Variants in TEP1 observed in about 807,000 individuals in gnomAD.
The protein encoded by TEP1 is telomerase associated protein 1.
Under a neutral mutation model 306.3 loss-of-function variants are expected in TEP1, and 241 were observed. The observed-to-expected ratio is 0.79, with a 90% confidence interval of 0.71 to 0.88. TEP1 has a LOEUF of 0.88. Among genes scored for constraint, TEP1 ranks in the 40% least tolerant of loss-of-function variants. The pLI, the probability that TEP1 is intolerant of heterozygous loss-of-function variation, is 0.00. For missense variants in TEP1, 3,051 were observed against 3,276.1 expected (o/e 0.93, Z 1.68); for synonymous variants, 1,289 against 1,305.5 (o/e 0.99, Z 0.27).
In TEP1 at chr14:20,369,530, C is replaced by T. The variant is rs765310231; in HGVS notation, c.7470G>A (p.Leu2490=). ...ATTCTCCTTCTGGGCTGCATTTGGC[C>T]AGGTTCCATAGGATCCCATCAGAGC... is the stretch of plus-strand genomic sequence containing the variant. ...CASSDGILWN[L]AKCSPEGEWT... The change falls in exon 53 of 55, where the codon CTG becomes CTA. Residue 2490 remains leucine (L), a synonymous_variant. Coordinates refer to ENST00000262715, the MANE Select transcript of TEP1 (RefSeq NM_007110.5). 1.9e-6 allele frequency: 3 copies of T among 1,613,960 alleles called. No individual in the cohort carries two copies. The African/African-American group carries it at 4.0e-5, about 22-fold the overall frequency.
Position 20,386,112 on chromosome 14 carries a change from G to A in TEP1, c.2945C>T (p.Pro982Leu). The change falls in exon 20 of 55, where the codon CCC becomes CTC. Residue 982 changes from proline to leucine, a missense_variant. By Grantham distance (98) the Pro-to-Leu change is moderately conservative (BLOSUM62 -3). Around this residue, in one of 3 missense-constraint regions of TEP1, gnomAD observed 1,507 missense variants for 1,550.5 expected, o/e 0.97. Coordinates refer to ENST00000262715, the MANE Select transcript of TEP1 (RefSeq NM_007110.5). ...ILGSRYGYIPPSYNLPDHPHF... is the reference protein window; with the variant it reads ...ILGSRYGYIPLSYNLPDHPHF... ...TGGATGGTCAGGAAGGTTGTAGCTG[G>A]GGGGAATGTATCCATAACGGGAGCC... 6.2e-7 allele frequency: 1 copy of A among 1,613,002 alleles called. No individual in the cohort carries two copies. Among genetic ancestry groups the A allele is most frequent in the African/African-American group, 1.3e-5 (1 of 74,952 alleles).
chr14:20,403,938 A>G (rs1196615017), intron 5 of TEP1, 54 bp from the exon 6 acceptor site: 1 of 1,609,998 alleles, frequency 6.2e-7, no homozygotes, highest in African/African-American at 1.3e-5. Flanking sequence ...CAACCCTCCA[A>G]AACAAAACGA....
chr14:20,401,315 T>C (rs1222232537), intron 8 of TEP1, 142 bp downstream of exon 8: 3 of 1,380,708 alleles, frequency 2.2e-6, no homozygotes, highest in Admixed American at 5.0e-5. Context: ...AAGGCAGCAA[T>C]TGGAAAGGCA....
intron 37 of TEP1, 83 bp downstream of exon 37, chr14:20,378,671 C>T: frequency 6.3e-7 from 1 of 1,578,592 alleles, no homozygotes; most frequent in South Asian, 1.1e-5. Flanking sequence ...GAGTCAGCAG[C>T]CTCTGCCGCA....
rs1431465049 is a variant in TEP1, at chr14:20,408,255, T to C, written c.185A>G (p.Glu62Gly). ...GGCAGACACATATCCATGTGGTTTTTCCATGGTCTTCAGGTCAGGAAGCGT... is the reference window on the plus strand; with the variant it reads ...GGCAGACACATATCCATGTGGTTTTCCCATGGTCTTCAGGTCAGGAAGCGT... ...LATLPDLKTM[E>G]KPHGYVSAHP... is the part of the protein sequence containing the mutation. Residue 62 changes from glutamate to glycine, a missense_variant, in exon 2 of 55, where the codon GAA becomes GGA. Physicochemically the swap from Glu to Gly is moderately conservative, Grantham distance 98 (BLOSUM62 -2). Around this residue, in one of 3 missense-constraint regions of TEP1, gnomAD observed 1,507 missense variants for 1,550.5 expected, o/e 0.97. Coordinates refer to ENST00000262715, the MANE Select transcript of TEP1 (RefSeq NM_007110.5). The C allele has an allele frequency of 8.7e-6, 14 of 1,613,598 alleles. No homozygotes were observed. The highest frequency in any genetic ancestry group is 1.2e-5 in the Non-Finnish European group (14 of 1,179,544).
chr14:20,370,977 T>C (rs1884796112), intron 51 of TEP1, among the ~76,000 whole-genome samples: 1 of 152,202 alleles, frequency 6.6e-6, no homozygotes, highest in South Asian at 2.1e-4. Flanking sequence ...TTGAGAAAAC[T>C]TCTAGGTTTA....
chr14:20,368,693 G>T (rs1884620067), intron 54 of TEP1, 105 bp downstream of exon 54: 8 of 1,533,138 alleles, frequency 5.2e-6, no homozygotes, highest in Middle Eastern at 1.8e-4. Flanking sequence ...ACAGAATTTT[G>T]ATCTTTTGCC....
rs1234323509 is a variant in TEP1, at chr14:20,377,483, C to T, written c.5885G>A (p.Gly1962Glu). 1.9e-6 allele frequency: 3 copies of T among 1,613,748 alleles called. No individual in the cohort carries two copies. Among genetic ancestry groups the T allele is most frequent in the Admixed American group, 1.7e-5 (1 of 60,000 alleles). The change falls in exon 41 of 55, where the codon GGG (glycine) becomes GAG (glutamate). Residue 1962 changes from glycine (G) to glutamate (E), a missense_variant. Transcript: ENST00000262715. ...RIYKISSGSQ[G>E]AQGQALDVAV... ...CACATCCAGTGCCTGACCCTGAGCC[C>T]CCTGGGAACCTAGAGAATGAGAGAG... is the stretch of plus-strand genomic sequence containing the variant.
intron 6 of TEP1, 29 bp downstream of exon 6, chr14:20,403,694 G>A (rs778309761): frequency 2.5e-5 from 40 of 1,612,666 alleles, no homozygotes; most frequent in Middle Eastern, 2.0e-4. Context: ...GAAAAGGGGC[G>A]TGGGTCGAGG....
At chr14:20,386,237 C>A (rs758662321) in intron 19 of TEP1, 42 bp from the exon 20 acceptor site, 79 of 1,612,750 alleles carry the variant, frequency 4.9e-5, no homozygotes, top group Middle Eastern at 1.6e-4. Flanking sequence ...TCACTGGGGG[C>A]ATGGTATCAG....
intron 17 of TEP1, 102 bp from the exon 18 acceptor site, chr14:20,388,165 G>C (rs2139097104): frequency 7.7e-7 from 1 of 1,300,694 alleles, no homozygotes; most frequent in Non-Finnish European, 1.1e-6. Context: ...CAGGTTTGGT[G>C]ACCAGTTAAG....
chr14:20,406,026 AGAAAAG>A (rs1879143200), intron 3 of TEP1, among the ~76,000 whole-genome samples: 1 of 151,690 alleles, frequency 6.6e-6, no homozygotes, highest in Non-Finnish European at 1.5e-5. Context: ...AAAAAAAAAA[AGAAAAG>A]GAAAAGAGAG....
In TEP1 at chr14:20,378,678, C is replaced by T. The variant is rs569977211; in HGVS notation, c.5352+76G>A. The T allele has an allele frequency of 2.9e-5, 46 of 1,579,284 alleles. 1 individual carries two copies. Among genetic ancestry groups the T allele is most frequent in the African/African-American group, 2.0e-4 (15 of 74,454 alleles). On this transcript the variant is annotated intron_variant, in intron 37 of 54. Coordinates refer to ENST00000262715, the MANE Select transcript of TEP1 (RefSeq NM_007110.5). Reference sequence around the variant, plus strand: ...TGGCCAGGGAGTCAGCAGCCTCTGCCGCACTGAGAGAACAAATTCACGAGG... The same window carrying T: ...TGGCCAGGGAGTCAGCAGCCTCTGCTGCACTGAGAGAACAAATTCACGAGG...
chr14:20,403,159 CA>C (rs61465318), intron 7 of TEP1, among the ~76,000 whole-genome samples: 2,572 of 83,212 alleles, frequency 0.031, 35 homozygotes, highest in African/African-American at 0.04. Context: ...AACTTCATCT[CA>C]AAAAAAAAAA....
rs1879310030 is a variant in TEP1, at chr14:20,407,896, CTG to C, written c.542_543del (p.Thr181ArgfsTer13). 2.5e-6 allele frequency: 4 copies of C among 1,603,444 alleles called. No homozygotes were observed. The East Asian group carries it at 9.0e-5, about 36-fold the overall frequency. On this transcript the variant is annotated frameshift_variant, in exon 2 of 55. Coordinates refer to ENST00000262715, the MANE Select transcript of TEP1 (RefSeq NM_007110.5). LOFTEE classifies it high-confidence loss of function. The part of the protein sequence containing the change: ...CPIALKSISA[T>X]ETAQEATLGR... ...ACCAAAGTTGCTTCCTGAGCTGTCT[CTG>C]TGGCAGAGATGGATTTCAGGGCTAT... is the stretch of plus-strand genomic sequence containing the variant.
chr14:20,402,779 G>T (rs1355797065), intron 7 of TEP1, among the ~76,000 whole-genome samples: 4 of 152,064 alleles, frequency 2.6e-5, no homozygotes, highest in Non-Finnish European at 2.9e-5. Flanking sequence ...TGTTTGGTTT[G>T]TTTTTAAAAC....
intron 5 of TEP1, 27 bp from the exon 6 acceptor site, chr14:20,403,911 A>G (rs1878963756): frequency 6.2e-7 from 1 of 1,613,772 alleles, no homozygotes; most frequent in East Asian, 2.2e-5. Context: ...AGAGACCACT[A>G]GAAGCAAGAC....
chr14:20,394,580 A>T (rs1878026105), intron 12 of TEP1, among the ~76,000 whole-genome samples: 1 of 149,926 alleles, frequency 6.7e-6, no homozygotes. Context: ...CCCGGGTTCA[A>T]GTGATTCTCC....
Position 20,382,653 on chromosome 14 carries a change from A to T in TEP1, c.4110T>A (p.Asp1370Glu). 1 of 1,614,100 alleles carries T rather than the reference A, an allele frequency of 6.2e-7. No homozygotes were observed. Residue 1370 changes from aspartate (D) to glutamate (E), a missense_variant, in exon 28 of 55, where the codon GAT (aspartate) becomes GAA (glutamate). This residue lies in a region of TEP1 where 1,540 missense variants were observed against 1,705.9 expected (regional missense o/e 0.90). Coordinates refer to ENST00000262715, the MANE Select transcript of TEP1 (RefSeq NM_007110.5). ...CATACAGCGTGAAGAGCCTCAGGTG[A>T]TCGGTGACCAAGCGCAGGTAGAGCG... Reference protein sequence around the residue: ...GRPLYLRLVTDHLRLFTLYEQ... With the variant: ...GRPLYLRLVTEHLRLFTLYEQ...
Sources: allele counts gnomAD v4.1 joint callset (sites outside exome capture counted in the v4.1 genomes callset), GRCh38; gene constraint gnomAD v4.1.1; regional missense constraint gnomAD v4.1.1; transcripts MANE v1.5; gene names NCBI Gene and HGNC (gene_info 2026-07-23, HGNC 2026-07-21).